The following DLGAP1 variants were observed in gnomAD, a reference collection of about 807,000 sequenced individuals.
DLGAP1 encodes the protein disks large-associated protein 1.
Under a neutral mutation model 90.8 loss-of-function variants are expected in DLGAP1, and 11 were observed. The observed-to-expected ratio is 0.12, with a 90% CI of 0.08 to 0.20. DLGAP1 has a LOEUF of 0.20. Ranked by LOEUF, DLGAP1 falls within the 10% of genes least tolerant of loss-of-function variation. The pLI is 1.00. For synonymous variants in DLGAP1, 558 were observed against 540.7 expected, an observed-to-expected ratio of 1.03 and a Z score of -0.44; for missense variants, 1,050 against 1,333.8, an observed-to-expected ratio of 0.79 and a Z score of 3.31.
At chr18:3,982,735 T>G (rs2073760543) in intron 3 of DLGAP1, among the ~76,000 whole-genome samples, 1 of 152,156 alleles carries the variant, frequency 6.6e-6, no homozygotes, top group South Asian at 2.1e-4. Context: ...AGAAGCCCAT[T>G]TTGTACTGGT....
chr18:3,637,761 A>T (rs577947776), intron 7 of DLGAP1, among the ~76,000 whole-genome samples: 3 of 151,962 alleles, frequency 2.0e-5, no homozygotes, highest in East Asian at 1.9e-4. Context: ...ATTAAAAAAA[A>T]AATTCTAGTT....
intron 3 of DLGAP1, among the ~76,000 whole-genome samples, chr18:3,910,945 G>T (rs1277576687): frequency 1.3e-5 from 2 of 152,166 alleles, no homozygotes; most frequent in Non-Finnish European, 2.9e-5. Flanking sequence ...TTGCTTGCTG[G>T]GAATTAGAAG....
At chr18:3,624,124 C>T (rs1055691490) in intron 7 of DLGAP1, among the ~76,000 whole-genome samples, 4 of 152,208 alleles carry the variant, frequency 2.6e-5, no homozygotes, top group East Asian at 1.9e-4. Context: ...CAGCCTTTCC[C>T]TGAGTCACCT....
intron 7 of DLGAP1, chr18:3,721,565 G>C (rs1467661714): frequency 1.3e-5 from 2 of 151,826 alleles, no homozygotes; most frequent in African/African-American, 4.8e-5. Context: ...CAACATGAGA[G>C]GCCATGTCAA....
intron 2 of DLGAP1, among the ~76,000 whole-genome samples, chr18:4,148,051 C>G (rs943046905): frequency 6.6e-6 from 1 of 152,128 alleles, no homozygotes; most frequent in Non-Finnish European, 1.5e-5. Context: ...GGAAAAAGCC[C>G]CATCCTTGTC....
At chr18:3,628,449 G>C (rs1430344036) in intron 7 of DLGAP1, among the ~76,000 whole-genome samples, 2 of 151,902 alleles carry the variant, frequency 1.3e-5, no homozygotes, top group South Asian at 2.1e-4. Flanking sequence ...CAGCCTCCCA[G>C]AGTGCTGGGA....
intron 1 of DLGAP1, among the ~76,000 whole-genome samples, chr18:4,173,871 T>A (rs1289065356): frequency 6.6e-6 from 1 of 152,190 alleles, no homozygotes; most frequent in Non-Finnish European, 1.5e-5. Flanking sequence ...TGACCCATTA[T>A]TGCACCCGGT....
At chr18:3,813,783 A>G (rs951025128) in intron 5 of DLGAP1, among the ~76,000 whole-genome samples, 5 of 152,012 alleles carry the variant, frequency 3.3e-5, no homozygotes, top group African/African-American at 1.2e-4. Context: ...GCCATTCTGG[A>G]TTCTTTTAAA....
chr18:4,279,697 A>G (rs2079505375), intron 1 of DLGAP1, among the ~76,000 whole-genome samples: 1 of 152,232 alleles, frequency 6.6e-6, no homozygotes, highest in East Asian at 1.9e-4. Flanking sequence ...TTCTTAACTA[A>G]AGTAAACATT....
rs1051904118 is a variant in DLGAP1, at chr18:4,445,543, C to T, written c.-267+9463G>A. On this transcript the variant is annotated intron_variant, in intron 1 of 12. Coordinates refer to ENST00000315677, the MANE Select transcript of DLGAP1 (RefSeq NM_004746.4). ...ATTCCCACCTATGAGTGAGAATATG[C>T]GGTGTTTGGTTTTTTGTTCTTGCGA... is the stretch of plus-strand genomic sequence containing the variant. Among the ~76,000 whole-genome samples the T allele has an allele frequency of 3.4e-5, 5 of 146,742 alleles. No individual in the cohort carries two copies. In the East Asian group the frequency reaches 8.3e-4, roughly 24 times the overall value.
chr18:3,519,913 C>T (rs1453854914), intron 10 of DLGAP1, among the ~76,000 whole-genome samples: 1 of 152,102 alleles, frequency 6.6e-6, no homozygotes, highest in Non-Finnish European at 1.5e-5. Flanking sequence ...AGCATTAGGA[C>T]AAATACCTAA....
intron 7 of DLGAP1, among the ~76,000 whole-genome samples, chr18:3,680,456 A>G (rs562714295): frequency 3.2e-4 from 48 of 152,336 alleles, no homozygotes; most frequent in African/African-American, 1.1e-3. Context: ...TTCTGTTGTC[A>G]GACATGTTCT....
intron 1 of DLGAP1, among the ~76,000 whole-genome samples, chr18:4,321,480 T>A (rs2080685351): frequency 6.6e-6 from 1 of 152,240 alleles, no homozygotes; most frequent in African/African-American, 2.4e-5. Context: ...CACATAGTAC[T>A]GGAAAGTTTA....
rs528413073 is a variant in DLGAP1, at chr18:4,397,455, C to T, written c.-267+57551G>A. ...TGAAACCACACTTTATATCAAAGCA[C>T]TTCTTGGATCCTATGTTCATCTTCT... is the stretch of plus-strand genomic sequence containing the variant. On this transcript the variant is annotated intron_variant, in intron 1 of 12. Transcript: ENST00000315677. Among the ~76,000 whole-genome samples, 4 of 152,294 alleles carry T rather than the reference C, an allele frequency of 2.6e-5. No homozygotes were observed. In the East Asian group the frequency reaches 7.7e-4, roughly 29 times the overall value.
intron 7 of DLGAP1, among the ~76,000 whole-genome samples, chr18:3,701,498 G>A (rs1275567135): frequency 6.6e-6 from 1 of 152,242 alleles, no homozygotes; most frequent in African/African-American, 2.4e-5. Context: ...GGGCAAAGCA[G>A]AAGGATTCGA....
chr18:3,615,712 G>A (rs2057834092), intron 7 of DLGAP1, among the ~76,000 whole-genome samples: 2 of 152,152 alleles, frequency 1.3e-5, no homozygotes, highest in Admixed American at 6.5e-5. Flanking sequence ...GTAGGCAACT[G>A]GAGACACCCT....
chr18:4,305,350 C>A (rs955151505), intron 1 of DLGAP1, among the ~76,000 whole-genome samples: 6 of 151,964 alleles, frequency 3.9e-5, no homozygotes, highest in Admixed American at 6.6e-5. Flanking sequence ...GCTTGACCAA[C>A]GTGGTGAAAC....
intron 3 of DLGAP1, among the ~76,000 whole-genome samples, chr18:3,956,375 A>C (rs1009963047): frequency 6.6e-6 from 1 of 151,888 alleles, no homozygotes; most frequent in Non-Finnish European, 1.5e-5. Flanking sequence ...TTTGAGACGG[A>C]GTCTCGCTCT....
chr18:3,500,696 C>T (rs1398291499), intron 12 of DLGAP1, among the ~76,000 whole-genome samples: 1 of 152,086 alleles, frequency 6.6e-6, no homozygotes. Flanking sequence ...GCTCTGATCA[C>T]AGGCAAAGTC....
Sources: allele counts gnomAD v4.1 joint callset (sites outside exome capture counted in the v4.1 genomes callset), GRCh38; gene constraint gnomAD v4.1.1; transcripts MANE v1.5; gene names NCBI Gene and HGNC (gene_info 2026-07-23, HGNC 2026-07-21).